MED13: variants seen among roughly 807,000 people sequenced by gnomAD.
The protein encoded by MED13 is mediator complex subunit 13, also known as mediator of RNA polymerase II transcription subunit 13.
Under a neutral mutation model 225.2 loss-of-function variants are expected in MED13, and 23 were observed. That is an observed-to-expected ratio of 0.10 (90% CI 0.07 to 0.14). The LOEUF is 0.14. Among genes scored for constraint, MED13 ranks in the 10% least tolerant of loss-of-function variants. The pLI, the probability that MED13 is intolerant of heterozygous loss-of-function variation, is 1.00. For synonymous variants in MED13, 942 were observed against 889.2 expected, an observed-to-expected ratio of 1.06 and a Z score of -1.06; for missense variants, 2,197 against 2,594.5, an observed-to-expected ratio of 0.85 and a Z score of 3.33.
intron 3 of MED13, among the ~76,000 whole-genome samples, chr17:62,042,850 A>C (rs2143719515): frequency 6.6e-6 from 1 of 152,022 alleles, no homozygotes; most frequent in South Asian, 2.1e-4. Flanking sequence ...AATTATAGAA[A>C]GAAATTACGG....
intron 8 of MED13, among the ~76,000 whole-genome samples, chr17:62,015,926 A>ACACACACACACATACACAC (rs2080565336): frequency 1.8e-4 from 1 of 5,578 alleles, no homozygotes; most frequent in African/African-American, 3.9e-4. Context: ...ATATATATAT[A>ACACACACACACATACACAC]TATATATATA....
intron 9 of MED13, among the ~76,000 whole-genome samples, chr17:62,003,047 A>C (rs576892983): frequency 2.6e-4 from 39 of 152,182 alleles, no homozygotes; most frequent in Non-Finnish European, 2.1e-4. Context: ...CACATTGGCA[A>C]ATGTTACCTG....
chr17:61,967,754 T>C (rs1252981487), intron 18 of MED13, among the ~76,000 whole-genome samples: 2 of 152,196 alleles, frequency 1.3e-5, no homozygotes, highest in Non-Finnish European at 2.9e-5. Context: ...TTTAACATTG[T>C]TACCCTTTGT....
Position 61,946,271 on chromosome 17 carries a change from C to CTT in MED13, c.*196_*197insAA. 1 of 576,256 alleles carries CTT rather than the reference C, an allele frequency of 1.7e-6. No individual in the cohort carries two copies. The highest frequency in any genetic ancestry group is 3.3e-5 in the Admixed American group (1 of 30,446). 35.7% of individuals were successfully genotyped at this position (576,256 alleles called of 1,614,324 possible). A position where few individuals can be genotyped will look rare whatever the true frequency, so the allele number is the denominator to read the frequency against. Reference sequence around the variant, plus strand: ...ACGTTTTGTATGATCAGTCATCATCCTAAAGAGTTCAATAGAGTCAATGAA... The same window carrying CTT: ...ACGTTTTGTATGATCAGTCATCATCCTTTAAAGAGTTCAATAGAGTCAATGAA... On this transcript the variant is annotated 3_prime_UTR_variant, in exon 30 of 30. Transcript: ENST00000397786.
At chr17:61,954,237 T>C (rs1363763153) in intron 26 of MED13, among the ~76,000 whole-genome samples, 1 of 152,242 alleles carries the variant, frequency 6.6e-6, no homozygotes, top group East Asian at 1.9e-4. Flanking sequence ...CTTGTGACTT[T>C]AGAGATGTGA....
At chr17:62,056,522 G>C (rs1277545097) in intron 2 of MED13, among the ~76,000 whole-genome samples, 1 of 152,110 alleles carries the variant, frequency 6.6e-6, no homozygotes, top group Non-Finnish European at 1.5e-5. Flanking sequence ...CAGCTACTTG[G>C]GAAGCTAAGA....
intron 28 of MED13, among the ~76,000 whole-genome samples, chr17:61,949,632 T>C (rs8074455): frequency 0.014 from 2,179 of 152,290 alleles, 54 homozygotes; most frequent in African/African-American, 0.049. Flanking sequence ...CTAGAAAAAC[T>C]TTTTTAAGTA....
chr17:62,052,237 G>GA (rs2080962988), intron 3 of MED13, among the ~76,000 whole-genome samples: 2 of 151,978 alleles, frequency 1.3e-5, no homozygotes, highest in African/African-American at 4.8e-5. Flanking sequence ...CTAAAAAAAA[G>GA]ATACTTCCAA....
chr17:62,040,822 A>G (rs1325507689), intron 3 of MED13, among the ~76,000 whole-genome samples: 1 of 152,224 alleles, frequency 6.6e-6, no homozygotes, highest in East Asian at 1.9e-4. Flanking sequence ...TGCAAACCAA[A>G]AACACAGTAA....
chr17:61,986,203 G>C (rs2080246112), intron 12 of MED13, among the ~76,000 whole-genome samples: 1 of 151,888 alleles, frequency 6.6e-6, no homozygotes, highest in East Asian at 1.9e-4. Context: ...CTACATTATG[G>C]GATACACAGT....
intron 3 of MED13, among the ~76,000 whole-genome samples, chr17:62,038,439 A>T (rs896394663): frequency 2.6e-5 from 4 of 152,180 alleles, no homozygotes; most frequent in South Asian, 2.1e-4. Context: ...AAATAATTTT[A>T]AAAATTATTT....
intron 2 of MED13, among the ~76,000 whole-genome samples, chr17:62,055,399 A>G (rs1419709027): frequency 4.0e-5 from 6 of 150,368 alleles, no homozygotes; most frequent in Admixed American, 4.0e-4. Flanking sequence ...CAAAAAAACA[A>G]AAAAAAAAAC....
intron 9 of MED13, chr17:62,004,713 C>T (rs533595744): frequency 6.6e-6 from 1 of 152,214 alleles, no homozygotes; most frequent in African/African-American, 2.4e-5. Flanking sequence ...GAGATTTAAG[C>T]AAATAAGTAA....
At chr17:62,059,146 A>G (rs1295169940) in intron 2 of MED13, among the ~76,000 whole-genome samples, 1 of 152,210 alleles carries the variant, frequency 6.6e-6, no homozygotes, top group Non-Finnish European at 1.5e-5. Flanking sequence ...GATCCTAGAA[A>G]AGAAAAACAT....
chr17:62,053,801 A>G (rs1432250007), intron 2 of MED13, among the ~76,000 whole-genome samples: 1 of 152,216 alleles, frequency 6.6e-6, no homozygotes, highest in Non-Finnish European at 1.5e-5. Context: ...TTCTGAATAA[A>G]AGCAAAGACA....
intron 3 of MED13, among the ~76,000 whole-genome samples, chr17:62,043,174 A>G (rs2080869041): frequency 6.7e-6 from 1 of 149,040 alleles, no homozygotes; most frequent in African/African-American, 2.5e-5. Context: ...AAAAAAAAAA[A>G]AAAAAAAAAA....
At chr17:62,008,216 G>A (rs1280966839) in intron 9 of MED13, among the ~76,000 whole-genome samples, 1 of 150,020 alleles carries the variant, frequency 6.7e-6, no homozygotes, top group Non-Finnish European at 1.5e-5. Context: ...CTACTCAGGA[G>A]GCTGAGGCAG....
At chr17:61,987,180 T>G (rs1426245965) in intron 11 of MED13, 52 bp from the exon 12 acceptor site, 1 of 1,410,442 alleles carries the variant, frequency 7.1e-7, no homozygotes, top group Non-Finnish European at 9.7e-7. Flanking sequence ...ACTATGCCTG[T>G]AATCCCAGCA....
In MED13 at chr17:61,985,050, G is replaced by A; in HGVS notation, c.2426C>T (p.Ala809Val). The A allele has an allele frequency of 1.2e-6, 2 of 1,613,732 alleles. No homozygotes were observed. The highest frequency in any genetic ancestry group is 1.7e-6 in the Non-Finnish European group (2 of 1,179,936). ...TCCTGTCTTTGATTCCTTGCAGCTG[G>A]CTTTATCATCTGATCCATTTGCTGA... is the stretch of plus-strand genomic sequence containing the variant. ...KKSANGSDDK[A>V]SCKESKTGNL... is the part of the protein sequence containing the mutation. The change falls in exon 13 of 30, where the codon GCC (alanine) becomes GTC (valine). Residue 809 changes from alanine to valine, a missense_variant. By Grantham distance (64) the Ala-to-Val change is moderately conservative (BLOSUM62 0). This residue lies in a region of MED13 where 41 missense variants were observed against 55.8 expected (regional missense o/e 0.73). Transcript: ENST00000397786.
Sources: gnomAD v4.1 joint callset for allele counts (sites outside exome capture counted in the v4.1 genomes callset) on GRCh38, gnomAD v4.1.1 for gene constraint, gnomAD v4.1.1 regional missense constraint, MANE v1.5 for transcripts, NCBI Gene and HGNC (gene_info 2026-07-23, HGNC 2026-07-21) for gene names.